The following CSMD2 variants were observed in gnomAD, a reference collection of about 807,000 sequenced individuals.
CSMD2 encodes CUB and sushi domain-containing protein 2.
CSMD2 carries 130 observed loss-of-function variants against 398.5 expected under a neutral mutation model. That is an observed-to-expected ratio of 0.33 (90% confidence interval 0.28 to 0.38). The LOEUF (loss-of-function observed/expected upper bound fraction) is 0.38, where lower values mean the gene tolerates loss of function less well. Among genes scored for constraint, CSMD2 ranks in the 10% least tolerant of loss-of-function variants. CSMD2 has a pLI of 1.00. For synonymous variants in CSMD2, 1,828 were observed against 1,908.5 expected (o/e 0.96, Z 1.10); for missense variants, 3,829 against 4,764.9 (o/e 0.80, Z 5.78).
At chr1:33,701,362 T>C (rs1485599227) in intron 22 of CSMD2, among the ~76,000 whole-genome samples, 1 of 152,212 alleles carries the variant, frequency 6.6e-6, no homozygotes. Context: ...AACTTCTTAG[T>C]ACCAGCAAAG....
At chr1:33,683,892 G>A (rs1644982649) in intron 25 of CSMD2, among the ~76,000 whole-genome samples, 1 of 152,208 alleles carries the variant, frequency 6.6e-6, no homozygotes, top group African/African-American at 2.4e-5. Flanking sequence ...TGCAGTGTAA[G>A]TACACGAACC....
rs2148916534 is a variant in CSMD2, at chr1:33,636,115, G to A, written c.4969+245C>T. Among the ~76,000 whole-genome samples, 1 of 152,292 alleles carries A rather than the reference G, an allele frequency of 6.6e-6. No homozygotes were observed. The highest frequency in any genetic ancestry group is 6.5e-5 in the Admixed American group (1 of 15,304). The stretch of plus-strand genomic sequence containing the variant: ...GCATGTCTGGGGGCCTCTGTTGAGG[G>A]CATGAGCATCTATGTGAATGGGGGT... On this transcript the variant is annotated intron_variant, in intron 30 of 70. Transcript: ENST00000373381. This position sits in a 1 kb window ranked among gnomAD's most constrained non-coding sequence, Gnocchi z 4.8.
chr1:33,816,117 G>A (rs1657436284), intron 9 of CSMD2, among the ~76,000 whole-genome samples: 1 of 152,152 alleles, frequency 6.6e-6, no homozygotes, highest in African/African-American at 2.4e-5. Flanking sequence ...TTTTCCCTGT[G>A]CCACATGGTT....
chr1:33,920,052 G>T (rs541759254), intron 4 of CSMD2, among the ~76,000 whole-genome samples: 2 of 152,200 alleles, frequency 1.3e-5, no homozygotes, highest in South Asian at 2.1e-4. Flanking sequence ...GGGAGTGGGG[G>T]TGTGGATATT....
At chr1:33,677,409 A>T (rs1367788972) in intron 25 of CSMD2, among the ~76,000 whole-genome samples, 1 of 152,250 alleles carries the variant, frequency 6.6e-6, no homozygotes, top group East Asian at 1.9e-4. Context: ...AACCACAATG[A>T]GATACCATCT....
rs181941732 is a variant in CSMD2, at chr1:34,026,791, G to A, written c.517+5803C>T. ...GAAAAAAATGACCAAATGGCAGGAA[G>A]ACTGGAAACATCAGATAGAGACACA... On this transcript the variant is annotated intron_variant, in intron 3 of 70. Coordinates refer to ENST00000373381, the MANE Select transcript of CSMD2 (RefSeq NM_001281956.2). Among the ~76,000 whole-genome samples, 351 of 152,292 alleles carry A rather than the reference G, an allele frequency of 2.3e-3. 3 individuals carry two copies. Among genetic ancestry groups the A allele is most frequent in the African/African-American group, 8.0e-3 (331 of 41,550 alleles).
chr1:33,987,084 A>G (rs1357286622), intron 3 of CSMD2, among the ~76,000 whole-genome samples: 1 of 152,164 alleles, frequency 6.6e-6, no homozygotes, highest in Non-Finnish European at 1.5e-5. Context: ...AAGTTCATCA[A>G]GTAGCCAATG....
intron 29 of CSMD2, among the ~76,000 whole-genome samples, chr1:33,640,145 A>G (rs1643027664): frequency 1.3e-5 from 2 of 152,222 alleles, no homozygotes; most frequent in African/African-American, 2.4e-5. Flanking sequence ...AAATGAGAAG[A>G]GCCAGCTTCT....
chr1:33,993,652 A>G (rs1002101462), intron 3 of CSMD2, among the ~76,000 whole-genome samples: 1 of 152,184 alleles, frequency 6.6e-6, no homozygotes, highest in African/African-American at 2.4e-5. Flanking sequence ...ATATTGAAAG[A>G]GAAATGCATT....
At chr1:33,766,811 A>G (rs1650563041) in intron 13 of CSMD2, among the ~76,000 whole-genome samples, 1 of 152,272 alleles carries the variant, frequency 6.6e-6, no homozygotes, top group African/African-American at 2.4e-5. Context: ...GAAAAGTGAA[A>G]GTAGATAAAC....
At chr1:33,629,732 G>A (rs1446474182) in intron 32 of CSMD2, among the ~76,000 whole-genome samples, 1 of 149,208 alleles carries the variant, frequency 6.7e-6, no homozygotes. Context: ...TACTGATATT[G>A]ATATCTACAG....
chr1:34,052,461 G>A (rs993956825), intron 2 of CSMD2, among the ~76,000 whole-genome samples: 1 of 150,062 alleles, frequency 6.7e-6, no homozygotes, highest in Non-Finnish European at 1.5e-5. Context: ...TATCCATGGG[G>A]GGGGGGTCGA....
At chr1:33,869,008 T>C (rs1000403211) in intron 5 of CSMD2, 6 of 152,190 alleles carry the variant, frequency 3.9e-5, no homozygotes, top group African/African-American at 1.4e-4. Flanking sequence ...AGAAGCGAGC[T>C]TGGCATATTA....
chr1:34,045,038 TACACACACACACACAC>T (rs10588687), intron 2 of CSMD2, among the ~76,000 whole-genome samples: 41 of 142,838 alleles, frequency 2.9e-4, no homozygotes, highest in Admixed American at 1.3e-3. Flanking sequence ...TCACACACCA[TACACACACACACACAC>T]ACACACACAC....
chr1:33,687,623 T>C (rs998759826), intron 25 of CSMD2, among the ~76,000 whole-genome samples: 6 of 152,176 alleles, frequency 3.9e-5, no homozygotes, highest in Non-Finnish European at 7.3e-5. Context: ...ATACATTTTA[T>C]GTAAAAGAAA....
At chr1:33,771,200 T>C (rs1651210918) in intron 13 of CSMD2, among the ~76,000 whole-genome samples, 1 of 152,176 alleles carries the variant, frequency 6.6e-6, no homozygotes, top group Admixed American at 6.5e-5. Context: ...TCCCACTGTG[T>C]GTACCTTTAT....
intron 15 of CSMD2, among the ~76,000 whole-genome samples, chr1:33,735,451 G>T (rs1019218782): frequency 3.9e-5 from 6 of 152,140 alleles, no homozygotes; most frequent in African/African-American, 9.7e-5. Context: ...CTACCCGGAA[G>T]TCTTTCTTGG....
intron 1 of CSMD2, among the ~76,000 whole-genome samples, chr1:34,132,113 T>TA (rs1253734547): frequency 6.6e-6 from 1 of 152,036 alleles, no homozygotes; most frequent in African/African-American, 2.4e-5. Flanking sequence ...ACTTGACCTG[T>TA]AAGGAGGAAG....
intron 40 of CSMD2, among the ~76,000 whole-genome samples, chr1:33,613,890 T>C (rs1311520179): frequency 6.6e-6 from 1 of 152,074 alleles, no homozygotes; most frequent in African/African-American, 2.4e-5. Context: ...CACACTGATG[T>C]CCTCCACACC....
Sources: gnomAD v4.1 joint callset for allele counts (sites outside exome capture counted in the v4.1 genomes callset) on GRCh38, gnomAD v4.1.1 for gene constraint, Gnocchi (gnomAD v3.1) non-coding constraint, MANE v1.5 for transcripts, NCBI Gene and HGNC (gene_info 2026-07-23, HGNC 2026-07-21) for gene names.